The following GCN1 variants were observed in gnomAD, a reference collection of about 807,000 sequenced individuals.
GCN1 encodes stalled ribosome sensor GCN1.
A neutral mutation model predicts 288.4 loss-of-function variants in GCN1; 90 were observed. That is an observed-to-expected ratio of 0.31 (90% confidence interval 0.26 to 0.37). The LOEUF (loss-of-function observed/expected upper bound fraction) is 0.37. Among genes scored for constraint, GCN1 ranks in the 10% least tolerant of loss-of-function variants. GCN1 has a pLI of 1.00. For synonymous variants in GCN1, 1,386 were observed against 1,420.2 expected, an observed-to-expected ratio of 0.98 and a Z score of 0.54; for missense variants, 2,586 against 3,419.9, an observed-to-expected ratio of 0.76 and a Z score of 6.08.
At chr12:120,190,224 CAAAAAAA>C (rs34357352) in intron 2 of GCN1, 67 bp downstream of exon 2, 10 of 571,230 alleles carry the variant, frequency 1.8e-5, no homozygotes, top group Admixed American at 3.4e-5. Flanking sequence ...GACTCTGTCT[CAAAAAAA>C]AAAAAAAAAA....
At chr12:120,193,777 A>C (rs1190359061) in intron 1 of GCN1, among the ~76,000 whole-genome samples, 1 of 152,204 alleles carries the variant, frequency 6.6e-6, no homozygotes, top group Non-Finnish European at 1.5e-5. Context: ...ATTCAGTACA[A>C]CATAACTTGA....
In GCN1 at chr12:120,164,199, C is replaced by A. The variant is rs938232856; in HGVS notation, c.1848+137G>T. ...TATGAAAGATGTTACTGGAGCTTGACGGCAGAGCAGAAGATGCTGGCATCA... is the reference window on the plus strand; with the variant it reads ...TATGAAAGATGTTACTGGAGCTTGAAGGCAGAGCAGAAGATGCTGGCATCA... On this transcript the variant is annotated intron_variant, in intron 18 of 57. Coordinates refer to ENST00000300648, the MANE Select transcript of GCN1 (RefSeq NM_006836.2). The A allele has an allele frequency of 5.4e-5, 37 of 688,356 alleles. No homozygotes were observed. The South Asian group carries it at 7.2e-4, about 13-fold the overall frequency. The allele number at this position is 688,356 out of a possible 1,614,324, so 42.6% of individuals were successfully genotyped here. A position where few individuals can be genotyped will look rare whatever the true frequency, so the allele number is the denominator to read the frequency against.
chr12:120,165,869 G>A (rs1360364937), intron 16 of GCN1, among the ~76,000 whole-genome samples: 1 of 150,782 alleles, frequency 6.6e-6, no homozygotes, highest in Non-Finnish European at 1.5e-5. Context: ...TCGGCTTACT[G>A]CAACCTCCGC....
chr12:120,134,692 A>T lies in GCN1; in HGVS notation c.7043T>A (p.Leu2348Gln). The change falls in exon 52 of 58, where the codon CTG becomes CAG. Residue 2348 changes from leucine to glutamine, a missense_variant. This residue lies in a region of GCN1 where 355 missense variants were observed against 431.1 expected (regional missense o/e 0.82). Coordinates refer to ENST00000300648, the MANE Select transcript of GCN1 (RefSeq NM_006836.2). The surrounding 1 kb of genome is among the most constrained non-coding windows in gnomAD (Gnocchi z 5.0). ...GIALKPFLPQLQTTFTKALQD... is the reference protein window; with the variant it reads ...GIALKPFLPQQQTTFTKALQD... Reference sequence around the variant, plus strand: ...CAGGGCTTTGGTGAAAGTGGTCTGCAGCTGGGGCAGGAAGGGCTTCAGGGC... The same window carrying T: ...CAGGGCTTTGGTGAAAGTGGTCTGCTGCTGGGGCAGGAAGGGCTTCAGGGC... The T allele has an allele frequency of 6.2e-7, 1 of 1,613,102 alleles. No individual in the cohort carries two copies. The highest frequency in any genetic ancestry group is 8.5e-7 in the Non-Finnish European group (1 of 1,180,022).
At position 120,137,757 on chromosome 12, in the gene GCN1, T is replaced by C; in HGVS notation, c.6451A>G (p.Ile2151Val). Reference protein sequence around the residue: ...LSVEDDTGHRIIIEDLLEATR... With the variant: ...LSVEDDTGHRVIIEDLLEATR... ...GCCTCCAGCAGATCCTCGATGATGA[T>C]CCGGTGCCCTGTGTCATCCTCTACG... is the stretch of plus-strand genomic sequence containing the variant. The change falls in exon 49 of 58, where the codon ATC (isoleucine) becomes GTC (valine). Residue 2151 changes from isoleucine to valine, a missense_variant. By Grantham distance (29) the Ile-to-Val change is conservative. This residue lies in a region of GCN1 where 437 missense variants were observed against 570.5 expected (regional missense o/e 0.77). Transcript: ENST00000300648. The surrounding 1 kb of genome is among the most constrained non-coding windows in gnomAD (Gnocchi z 5.2). 6 of 1,614,042 alleles carry C rather than the reference T, an allele frequency of 3.7e-6. No individual in the cohort carries two copies. Among genetic ancestry groups the C allele is most frequent in the Non-Finnish European group, 5.1e-6 (6 of 1,179,908 alleles).
intron 44 of GCN1, among the ~76,000 whole-genome samples, chr12:120,141,897 CTT>C (rs1329776076): frequency 6.6e-6 from 1 of 152,218 alleles, no homozygotes. Flanking sequence ...TTTTACATCT[CTT>C]TGTGTGGTTA....
At chr12:120,175,716 C>T (rs769332792) in intron 11 of GCN1, 30 bp downstream of exon 11, 20 of 1,598,530 alleles carry the variant, frequency 1.3e-5, no homozygotes, top group Non-Finnish European at 1.7e-5. Flanking sequence ...CACGCCTCAA[C>T]CACCCGCATG....
chr12:120,136,775 T>C (rs1186957333), intron 50 of GCN1, 43 bp from the exon 51 acceptor site: 4 of 1,434,982 alleles, frequency 2.8e-6, no homozygotes, highest in Admixed American at 1.7e-5. Context: ...TCAAACACCC[T>C]GGGCCCTGGT....
rs1166895022 is a variant in GCN1 at position 120,141,008 on chromosome 12, A to G, written c.5845T>C (p.Leu1949=). ...CCTAACTTCCGCACAAGATCTCCCAATGTTCTCGCTGCAATCTGTCAACAG... is the reference window on the plus strand; with the variant it reads ...CCTAACTTCCGCACAAGATCTCCCAGTGTTCTCGCTGCAATCTGTCAACAG... ...ADKRTIAART[L]GDLVRKLGEK... The change falls in exon 45 of 58, where the codon TTG becomes CTG. Residue 1949 remains leucine (L), a synonymous_variant. Coordinates refer to ENST00000300648, the MANE Select transcript of GCN1 (RefSeq NM_006836.2). The G allele has an allele frequency of 5.6e-6, 9 of 1,613,270 alleles. No individual in the cohort carries two copies. The highest frequency in any genetic ancestry group is 1.7e-5 in the Admixed American group (1 of 59,954).
rs186628126 is a variant in GCN1, at chr12:120,153,181, G to A, written c.4062+32C>T. ...ACAGCCGGGTCCCAATTCTCTAACC[G>A]ACATGTGGGTCCCAGGCCAGATGGC... On this transcript the variant is annotated intron_variant, in intron 33 of 57. Coordinates refer to ENST00000300648, the MANE Select transcript of GCN1 (RefSeq NM_006836.2). The surrounding 1 kb of genome is among the most constrained non-coding windows in gnomAD (Gnocchi z 4.4). 2.7e-3 allele frequency: 4,322 copies of A among 1,595,272 alleles called. 9 individuals carry two copies. The highest frequency in any genetic ancestry group is 3.2e-3 in the Non-Finnish European group (3,693 of 1,163,826).
intron 38 of GCN1, among the ~76,000 whole-genome samples, chr12:120,146,084 T>C (rs1877351517): frequency 6.6e-6 from 1 of 151,922 alleles, no homozygotes. Flanking sequence ...CTGGCCAACA[T>C]GGTTTCACCC....
In GCN1 at chr12:120,142,580, A is replaced by G; in HGVS notation, c.5756T>C (p.Leu1919Ser). 6.2e-7 allele frequency: 1 copy of G among 1,614,070 alleles called. No homozygotes were observed. The highest frequency in any genetic ancestry group is 1.7e-5 in the Admixed American group (1 of 60,020). Residue 1919 changes from leucine to serine, a missense_variant, in exon 44 of 58, where the codon TTG (leucine) becomes TCG (serine). Around this residue, in one of 8 missense-constraint regions of GCN1, gnomAD observed 437 missense variants for 570.5 expected, o/e 0.77. Coordinates refer to ENST00000300648, the MANE Select transcript of GCN1 (RefSeq NM_006836.2). This position sits in a 1 kb window ranked among gnomAD's most constrained non-coding sequence, Gnocchi z 4.9. ...KIVVSNTPRTLREILPTLFGL... is the reference protein window; with the variant it reads ...KIVVSNTPRTSREILPTLFGL... ...AAAGAGAGTGGGTAGGATCTCACGC[A>G]AGGTGCGGGGGGTATTGGAGACAAC...
chr12:120,156,626 T>C lies in GCN1; in HGVS notation c.3169-22A>G, dbSNP rs561436088. The C allele has an allele frequency of 1.9e-6, 3 of 1,612,670 alleles. No individual in the cohort carries two copies. Among genetic ancestry groups the C allele is most frequent in the Admixed American group, 3.3e-5 (2 of 59,960 alleles). On this transcript the variant is annotated intron_variant, in intron 27 of 57. Transcript: ENST00000300648. The surrounding 1 kb of genome is among the most constrained non-coding windows in gnomAD (Gnocchi z 5.8). ...GAACCTAAGGAGAACATCAATCCAC[T>C]GGTTCAGTCAGCAACTCATTTACTA...
Position 120,147,183 on chromosome 12 carries a change from G to T in GCN1, c.4816C>A (p.His1606Asn). 1 of 1,613,172 alleles carries T rather than the reference G, an allele frequency of 6.2e-7. No homozygotes were observed. The highest frequency in any genetic ancestry group is 1.1e-5 in the South Asian group (1 of 90,986). The change falls in exon 38 of 58, where the codon CAC becomes AAC. Residue 1606 changes from histidine to asparagine, a missense_variant. Coordinates refer to ENST00000300648, the MANE Select transcript of GCN1 (RefSeq NM_006836.2). ...GCCAGGGATGGGGCATCAATGAAGTGGACAAACTTGGTGTCCAGCAGGGTC... is the reference window on the plus strand; with the variant it reads ...GCCAGGGATGGGGCATCAATGAAGTTGACAAACTTGGTGTCCAGCAGGGTC... ...LQTLLDTKFV[H>N]FIDAPSLALI... is the part of the protein sequence containing the mutation.
At position 120,142,629 on chromosome 12, in the gene GCN1, C is replaced by G; in HGVS notation, c.5707G>C (p.Ala1903Pro). The G allele has an allele frequency of 1.2e-6, 2 of 1,614,014 alleles. No individual in the cohort carries two copies. The highest frequency in any genetic ancestry group is 1.7e-6 in the Non-Finnish European group (2 of 1,180,020). ...RSDTQLVVRQASLHVWKIVVS... is the reference protein window; with the variant it reads ...RSDTQLVVRQPSLHVWKIVVS... ...ACAATCTTCCAGACATGCAGGGACG[C>G]CTGCCGCACCACCAGCTGGGTGTCT... The change falls in exon 44 of 58, where the codon GCG becomes CCG. Residue 1903 changes from alanine (A) to proline (P), a missense_variant. Coordinates refer to ENST00000300648, the MANE Select transcript of GCN1 (RefSeq NM_006836.2). The surrounding 1 kb of genome is among the most constrained non-coding windows in gnomAD (Gnocchi z 4.9).
At chr12:120,194,411 C>T (rs894456912) in intron 1 of GCN1, among the ~76,000 whole-genome samples, 3 of 152,262 alleles carry the variant, frequency 2.0e-5, no homozygotes, top group Non-Finnish European at 4.4e-5. Context: ...ACTTCTGCAA[C>T]TCTGGGGTCG....
Position 120,144,522 on chromosome 12 carries a change from G to T in GCN1, c.5353-74C>A. 10 of 1,572,176 alleles carry T rather than the reference G, an allele frequency of 6.4e-6. No homozygotes were observed. The highest frequency in any genetic ancestry group is 8.7e-6 in the Non-Finnish European group (10 of 1,154,878). ...CAGCCCAAAAAACATGGGGCTCACT[G>T]AAGGCTGAGGGCTCTGCCAACCAAC... On this transcript the variant is annotated intron_variant, in intron 41 of 57. Coordinates refer to ENST00000300648, the MANE Select transcript of GCN1 (RefSeq NM_006836.2). The surrounding 1 kb of genome is among the most constrained non-coding windows in gnomAD (Gnocchi z 4.7).
chr12:120,184,554 A>T (rs957108709), intron 3 of GCN1, among the ~76,000 whole-genome samples: 1 of 152,192 alleles, frequency 6.6e-6, no homozygotes, highest in Non-Finnish European at 1.5e-5. Flanking sequence ...AAACACATTG[A>T]CCACTATGGC....
chr12:120,158,361 C>T lies in GCN1; in HGVS notation c.2905+99G>A. On this transcript the variant is annotated intron_variant, in intron 25 of 57. Transcript: ENST00000300648. The surrounding 1 kb of genome is among the most constrained non-coding windows in gnomAD (Gnocchi z 4.3). ...CAGAAATCCTCCATATGGTCCAATC[C>T]CCCAGGCTCAGGAGGCCCTGGGTGA... 1 of 1,015,348 alleles carries T rather than the reference C, an allele frequency of 9.8e-7. No homozygotes were observed. The highest frequency in any genetic ancestry group is 1.4e-6 in the Non-Finnish European group (1 of 706,484). The allele number at this position is 1,015,348 out of a possible 1,614,324, so 62.9% of individuals were successfully genotyped here.
Sources: allele counts gnomAD v4.1 joint callset (sites outside exome capture counted in the v4.1 genomes callset), GRCh38; gene constraint gnomAD v4.1.1; regional missense constraint gnomAD v4.1.1; non-coding constraint Gnocchi (gnomAD v3.1); transcripts MANE v1.5; gene names NCBI Gene and HGNC (gene_info 2026-07-23, HGNC 2026-07-21).